Variants in BTNL8 observed in about 807,000 individuals in gnomAD.
The protein encoded by BTNL8 is butyrophilin-like protein 8.
A neutral mutation model predicts 36.1 loss-of-function variants in BTNL8; 22 were observed. The ratio of observed to expected loss-of-function variants is 0.61; its 90% confidence interval spans 0.44 to 0.87. BTNL8 has a LOEUF of 0.87. Among genes scored for constraint, BTNL8 ranks in the 40% least tolerant of loss-of-function variants. The pLI is 0.00. For synonymous variants in BTNL8, 203 were observed against 235.6 expected (o/e 0.86, Z 1.27); for missense variants, 526 against 616.9 (o/e 0.85, Z 1.56).
At chr5:180,926,976 G>T (rs149584718) in intron 3 of BTNL8, among the ~76,000 whole-genome samples, 3,927 of 152,298 alleles carry the variant, frequency 0.026, 170 homozygotes, top group African/African-American at 0.09. Flanking sequence ...GCTCTGCTAA[G>T]GGACAGACTG....
chr5:180,918,372 A>C (rs184641220), intron 3 of BTNL8, among the ~76,000 whole-genome samples: 21 of 152,328 alleles, frequency 1.4e-4, no homozygotes, highest in Non-Finnish European at 5.9e-5. Flanking sequence ...CAAATAAATA[A>C]ATATAATATA....
Position 180,935,626 on chromosome 5 carries a change from G to T in BTNL8, c.674-11886G>T, listed in dbSNP as rs959794648. 6.6e-6 allele frequency among the ~76,000 whole-genome samples: 1 copy of T among 152,214 alleles called. No homozygotes were observed. Among genetic ancestry groups the T allele is most frequent in the African/African-American group, 2.4e-5 (1 of 41,464 alleles). ...GTTTCCAGGGCCCCGAGAGCACAGTGATGCCTGGGTCTGGAGCTGCGGCTG... is the reference window on the plus strand; with the variant it reads ...GTTTCCAGGGCCCCGAGAGCACAGTTATGCCTGGGTCTGGAGCTGCGGCTG... On this transcript the variant is annotated intron_variant, in intron 3 of 7. Coordinates refer to ENST00000340184, the MANE Select transcript of BTNL8 (RefSeq NM_001040462.3). The surrounding 1 kb of genome is among the most constrained non-coding windows in gnomAD (Gnocchi z 4.8).
At chr5:180,938,965 C>G (rs530042377) in intron 3 of BTNL8, among the ~76,000 whole-genome samples, 2 of 152,044 alleles carry the variant, frequency 1.3e-5, no homozygotes, top group South Asian at 4.1e-4. Flanking sequence ...TCAAGGGAGT[C>G]CTATGTCTGG....
chr5:180,914,935 A>G (rs541156291), intron 3 of BTNL8, among the ~76,000 whole-genome samples: 2 of 152,192 alleles, frequency 1.3e-5, no homozygotes, highest in Non-Finnish European at 2.9e-5. Flanking sequence ...TCAGCCCACA[A>G]TTTTTGCCAT....
rs1247143944 is a variant in BTNL8 at position 180,950,022 on chromosome 5, G to A, written c.981G>A (p.Arg327=). The change falls in exon 8 of 8, where the codon AGG becomes AGA. Residue 327 remains arginine (R), a synonymous_variant. Coordinates refer to ENST00000340184, the MANE Select transcript of BTNL8 (RefSeq NM_001040462.3). The part of the protein sequence containing the change: ...EVPHSEKRFT[R]KSVVASQSFQ... ...CTCACTCTGAGAAGAGATTTACAAGGAAGAGTGTGGTGGCTTCTCAGAGTT... is the reference window on the plus strand; with the variant it reads ...CTCACTCTGAGAAGAGATTTACAAGAAAGAGTGTGGTGGCTTCTCAGAGTT... The A allele has an allele frequency of 8.2e-6, 12 of 1,462,428 alleles. 1 individual carries two copies. In the South Asian group the frequency reaches 1.1e-4, roughly 14 times the overall value. The allele number at this position is 1,462,428 out of a possible 1,614,324, so 90.6% of individuals were successfully genotyped here.
chr5:180,902,156 C>T (rs1204922359), intron 1 of BTNL8, among the ~76,000 whole-genome samples: 5 of 150,650 alleles, frequency 3.3e-5, no homozygotes, highest in Non-Finnish European at 7.4e-5. Context: ...CTTTGGTTTT[C>T]AGCAAGGACG....
At chr5:180,904,863 C>T (rs1007498458) in intron 1 of BTNL8, among the ~76,000 whole-genome samples, 8 of 151,966 alleles carry the variant, frequency 5.3e-5, no homozygotes, top group African/African-American at 1.9e-4. Flanking sequence ...GCCTTGCATC[C>T]CAGGGATGAA....
At chr5:180,947,906 C>T in intron 4 of BTNL8, 1 of 1,093,648 alleles carries the variant, frequency 9.1e-7, no homozygotes, top group East Asian at 2.4e-5. Context: ...CCATGAACAC[C>T]ACCAAGACTC....
At chr5:180,909,920 A>T (rs946279109) in intron 2 of BTNL8, 1 of 152,058 alleles carries the variant, frequency 6.6e-6, no homozygotes, top group Non-Finnish European at 1.5e-5. Flanking sequence ...AAATTTGACT[A>T]ACTTAAATTT....
At position 180,903,037 on chromosome 5, in the gene BTNL8, C is replaced by G. The variant is rs1245840552; in HGVS notation, c.49+3678C>G. On this transcript the variant is annotated intron_variant, in intron 1 of 7. Coordinates refer to ENST00000340184, the MANE Select transcript of BTNL8 (RefSeq NM_001040462.3). The stretch of plus-strand genomic sequence containing the variant: ...TGATTTATAGTCCTTTGGGTATATA[C>G]CCAGTAATGGGATGGCTGGGTCAAA... Among the ~76,000 whole-genome samples, 5 of 118,380 alleles carry G rather than the reference C, an allele frequency of 4.2e-5. 2 individuals are homozygous for G. In the East Asian group the frequency reaches 7.1e-4, roughly 17 times the overall value. The allele number at this position is 118,380 out of a possible 152,430, so 77.7% of individuals were successfully genotyped here. A position where few individuals can be genotyped will look rare whatever the true frequency, so the allele number is the denominator to read the frequency against.
intron 3 of BTNL8, among the ~76,000 whole-genome samples, chr5:180,937,891 A>C (rs1181437485): frequency 1.3e-5 from 2 of 151,706 alleles, no homozygotes; most frequent in Non-Finnish European, 2.9e-5. Flanking sequence ...AAAATCAGGA[A>C]AACAATTTTT....
chr5:180,908,881 G>A lies in BTNL8; in HGVS notation c.345G>A (p.Arg115=). 1 of 1,614,146 alleles carries A rather than the reference G, an allele frequency of 6.2e-7. No individual in the cohort carries two copies. The highest frequency in any genetic ancestry group is 8.5e-7 in the Non-Finnish European group (1 of 1,180,006). Residue 115 remains arginine, a synonymous_variant, in exon 2 of 8, where the codon AGG becomes AGA. Transcript: ENST00000340184. Reference sequence around the variant, plus strand: ...TGGATGCTGGCCTCTATGGGTGCAGGATTAGTTCCCAGTCTTACTACCAGA... The same window carrying A: ...TGGATGCTGGCCTCTATGGGTGCAGAATTAGTTCCCAGTCTTACTACCAGA... The part of the protein sequence containing the change: ...TVLDAGLYGC[R]ISSQSYYQKA...
rs1403685404 is a variant in BTNL8 at position 180,907,005 on chromosome 5, A to G, written c.50-1581A>G. Reference sequence around the variant, plus strand: ...TGAATCTGACAATTATGTGTCTTGGAGTTGCTCTTCTCGAGGAGTATCTTT... The same window carrying G: ...TGAATCTGACAATTATGTGTCTTGGGGTTGCTCTTCTCGAGGAGTATCTTT... On this transcript the variant is annotated intron_variant, in intron 1 of 7. Coordinates refer to ENST00000340184, the MANE Select transcript of BTNL8 (RefSeq NM_001040462.3). 2.1e-5 allele frequency among the ~76,000 whole-genome samples: 2 copies of G among 93,378 alleles called. 1 individual carries two copies. The highest frequency in any genetic ancestry group is 1.3e-4 in the African/African-American group (2 of 14,962). The allele number at this position is 93,378 out of a possible 152,430, so 61.3% of individuals were successfully genotyped here.
intron 3 of BTNL8, among the ~76,000 whole-genome samples, chr5:180,915,020 C>G (rs1757560380): frequency 6.6e-6 from 1 of 152,194 alleles, no homozygotes; most frequent in Non-Finnish European, 1.5e-5. Flanking sequence ...CCATTTCTGT[C>G]TCACTTAATG....
chr5:180,948,284 A>C, intron 4 of BTNL8, 71 bp from the exon 5 acceptor site: 1 of 1,465,094 alleles, frequency 6.8e-7, no homozygotes, highest in South Asian at 1.1e-5. Context: ...CCACCTGTGC[A>C]AGGAGCCAGC....
intron 2 of BTNL8, among the ~76,000 whole-genome samples, 193 bp from the exon 3 acceptor site, chr5:180,911,146 G>A (rs540263199): frequency 3.9e-5 from 6 of 152,290 alleles, no homozygotes; most frequent in Admixed American, 2.0e-4. Context: ...GAATAGCCAC[G>A]CATACACAGT....
intron 3 of BTNL8, 104 bp from the exon 4 acceptor site, chr5:180,947,408 A>G: frequency 7.0e-7 from 1 of 1,421,538 alleles, no homozygotes; most frequent in South Asian, 1.3e-5. Flanking sequence ...AATTTATAGA[A>G]ACCTATTTCT....
chr5:180,902,002 C>T (rs1377359812), intron 1 of BTNL8, among the ~76,000 whole-genome samples: 3 of 152,154 alleles, frequency 2.0e-5, no homozygotes, highest in East Asian at 1.9e-4. Context: ...TAATTGTGTG[C>T]GCCATGGGCA....
At chr5:180,922,461 T>A in intron 3 of BTNL8, among the ~76,000 whole-genome samples, 1 of 151,586 alleles carries the variant, frequency 6.6e-6, no homozygotes. Flanking sequence ...CCAAAAGTCA[T>A]TCAGGAGTAG....
Sources: allele counts gnomAD v4.1 joint callset (sites outside exome capture counted in the v4.1 genomes callset), GRCh38; gene constraint gnomAD v4.1.1; non-coding constraint Gnocchi (gnomAD v3.1); transcripts MANE v1.5; gene names NCBI Gene and HGNC (gene_info 2026-07-23, HGNC 2026-07-21).